Variants in GPC5 observed in about 807,000 individuals in gnomAD.
The protein encoded by GPC5 is glypican 5, also known as glypican-5.
A neutral mutation model predicts 53.9 loss-of-function variants in GPC5; 47 were observed. That is an observed-to-expected ratio of 0.87 (90% confidence interval 0.69 to 1.11). GPC5 has a LOEUF of 1.11. GPC5 is among the 50% of genes most tolerant of loss of function. The pLI, the probability that GPC5 is intolerant of heterozygous loss-of-function variation, is 0.00. For synonymous variants in GPC5, 286 were observed against 263.3 expected, an observed-to-expected ratio of 1.09 and a Z score of -0.84; for missense variants, 748 against 713.1, an observed-to-expected ratio of 1.05 and a Z score of -0.56.
intron 7 of GPC5, among the ~76,000 whole-genome samples, chr13:92,616,099 A>G (rs181235267): frequency 6.9e-4 from 105 of 152,246 alleles, no homozygotes; most frequent in African/African-American, 2.4e-3. Flanking sequence ...CCTACCAACA[A>G]CACCTACATC....
chr13:91,433,511 C>G (rs1248325975), intron 1 of GPC5, among the ~76,000 whole-genome samples: 1 of 152,078 alleles, frequency 6.6e-6, no homozygotes, highest in East Asian at 1.9e-4. Flanking sequence ...TCATCCATGT[C>G]CCTGCAAAGG....
At chr13:92,435,138 C>G (rs1877250556) in intron 7 of GPC5, among the ~76,000 whole-genome samples, 1 of 152,170 alleles carries the variant, frequency 6.6e-6, no homozygotes, top group Non-Finnish European at 1.5e-5. Context: ...TGGTCCTGAA[C>G]TCCTGACCTC....
At chr13:92,291,794 C>A (rs1170276792) in intron 7 of GPC5, among the ~76,000 whole-genome samples, 1 of 152,112 alleles carries the variant, frequency 6.6e-6, no homozygotes, top group African/African-American at 2.4e-5. Context: ...CCAGCGAGAC[C>A]ACAAACCCAC....
At chr13:91,755,779 A>C (rs2140125111) in intron 4 of GPC5, among the ~76,000 whole-genome samples, 1 of 152,196 alleles carries the variant, frequency 6.6e-6, no homozygotes, top group East Asian at 1.9e-4. Flanking sequence ...ATGTTCTTAG[A>C]TACCAAGAAG....
chr13:92,670,704 A>G (rs945167294), intron 7 of GPC5, among the ~76,000 whole-genome samples: 3 of 152,150 alleles, frequency 2.0e-5, no homozygotes, highest in African/African-American at 7.2e-5. Flanking sequence ...TCTGCCCAGC[A>G]TTTAAGAAGA....
intron 2 of GPC5, among the ~76,000 whole-genome samples, chr13:91,527,032 G>C (rs1594210040): frequency 6.6e-6 from 1 of 152,080 alleles, no homozygotes; most frequent in Non-Finnish European, 1.5e-5. Context: ...TTTGAGTGGG[G>C]ACACAGAACC....
chr13:92,002,246 A>G (rs2040562344), intron 6 of GPC5, among the ~76,000 whole-genome samples: 1 of 152,210 alleles, frequency 6.6e-6, no homozygotes, highest in Non-Finnish European at 1.5e-5. Flanking sequence ...TACAGGGAGA[A>G]CAAAGAGGTT....
chr13:92,370,622 T>G lies in GPC5; in HGVS notation c.1561+225633T>G, dbSNP rs552261186. Among the ~76,000 whole-genome samples, 6 of 152,246 alleles carry G rather than the reference T, an allele frequency of 3.9e-5. No homozygotes were observed. In the South Asian group the frequency reaches 1.2e-3, roughly 32 times the overall value. ...ATTAACTCAGAGTCACTTCCATATA[T>G]GATTGAAAAAATAGTAAATTTTCCA... On this transcript the variant is annotated intron_variant, in intron 7 of 7. Coordinates refer to ENST00000377067, the MANE Select transcript of GPC5 (RefSeq NM_004466.6).
In GPC5 at chr13:92,347,855, A is replaced by ATATATATAATATATATAATATATATAT; in HGVS notation, c.1561+202874_1561+202875insATATATATAATATATATATTATATATA. 3.9e-4 allele frequency among the ~76,000 whole-genome samples: 9 copies of ATATATATAATATATATAATATATATAT among 22,804 alleles called. No individual in the cohort carries two copies. The African/African-American group carries it at 5.3e-3, about 13-fold the overall frequency. 15.0% of individuals were successfully genotyped at this position (22,804 alleles called of 152,430 possible). Reference sequence around the variant, plus strand: ...CAGCTTGAAATAGGCTGTTTTATACATATATATATTATATATATAATATAT... The same window carrying ATATATATAATATATATAATATATATAT: ...CAGCTTGAAATAGGCTGTTTTATACATATATATAATATATATAATATATATATTATATATATTATATATATAATATAT... On this transcript the variant is annotated intron_variant, in intron 7 of 7. Transcript: ENST00000377067.
intron 3 of GPC5, among the ~76,000 whole-genome samples, chr13:91,710,123 C>G (rs2036194990): frequency 6.6e-6 from 1 of 152,192 alleles, no homozygotes; most frequent in African/African-American, 2.4e-5. Context: ...AAACTGGAAG[C>G]TTATACAGAT....
intron 7 of GPC5, among the ~76,000 whole-genome samples, chr13:92,693,984 C>A (rs141521504): frequency 1.6e-3 from 245 of 152,290 alleles, no homozygotes; most frequent in Non-Finnish European, 2.8e-3. Context: ...GGACTTGGTG[C>A]CCTGCAACCC....
At chr13:91,408,971 C>G (rs911007319) in intron 1 of GPC5, among the ~76,000 whole-genome samples, 1 of 152,156 alleles carries the variant, frequency 6.6e-6, no homozygotes, top group Non-Finnish European at 1.5e-5. Context: ...AAAAAGCACA[C>G]CAAGAGTGTG....
intron 2 of GPC5, among the ~76,000 whole-genome samples, chr13:91,499,356 T>C (rs1028166339): frequency 2.6e-5 from 4 of 152,064 alleles, no homozygotes; most frequent in Admixed American, 6.5e-5. Context: ...GAAGTAAATA[T>C]TGAAACAAGA....
intron 6 of GPC5, among the ~76,000 whole-genome samples, chr13:92,005,970 CT>C (rs1202919863): frequency 6.6e-6 from 1 of 152,012 alleles, no homozygotes; most frequent in Admixed American, 6.6e-5. Flanking sequence ...CCTGATAAAC[CT>C]TTTTTTCTGG....
At chr13:92,544,624 G>T (rs1373791446) in intron 7 of GPC5, among the ~76,000 whole-genome samples, 1 of 152,080 alleles carries the variant, frequency 6.6e-6, no homozygotes, top group African/African-American at 2.4e-5. Context: ...CCATGAAGCA[G>T]CTGGCTCTTC....
chr13:91,554,984 C>A (rs1421636124), intron 2 of GPC5, among the ~76,000 whole-genome samples: 2 of 152,044 alleles, frequency 1.3e-5, no homozygotes, highest in Admixed American at 6.6e-5. Flanking sequence ...GCTTCCCTTG[C>A]ATTGAGGGAA....
At chr13:92,224,983 G>A (rs1489754424) in intron 7 of GPC5, among the ~76,000 whole-genome samples, 3 of 152,116 alleles carry the variant, frequency 2.0e-5, no homozygotes, top group African/African-American at 7.2e-5. Context: ...GCAGTCTTGG[G>A]ACCCATGGCA....
chr13:92,506,613 G>A (rs1389019207), intron 7 of GPC5, among the ~76,000 whole-genome samples: 1 of 152,008 alleles, frequency 6.6e-6, no homozygotes. Flanking sequence ...TGATTCTGAG[G>A]AAATTTCAGA....
intron 7 of GPC5, among the ~76,000 whole-genome samples, chr13:92,755,924 C>T: frequency 6.7e-6 from 1 of 149,990 alleles, no homozygotes. Context: ...GGTACCATTC[C>T]TTCTGAAACT....
Sources: gnomAD v4.1 joint callset for allele counts (sites outside exome capture counted in the v4.1 genomes callset) on GRCh38, gnomAD v4.1.1 for gene constraint, MANE v1.5 for transcripts, NCBI Gene and HGNC (gene_info 2026-07-23, HGNC 2026-07-21) for gene names.